The following CORO2B variants were observed in gnomAD, a reference collection of about 807,000 sequenced individuals.
CORO2B encodes coronin 2B.
A neutral mutation model predicts 58.8 loss-of-function variants in CORO2B; 26 were observed. The ratio of observed to expected loss-of-function variants is 0.44; its 90% CI spans 0.32 to 0.61. CORO2B has a LOEUF of 0.61. Ranked by LOEUF, CORO2B falls within the 20% of genes least tolerant of loss-of-function variation. The pLI is 0.04. For missense variants in CORO2B, 460 were observed against 645.1 expected, an observed-to-expected ratio of 0.71 and a Z score of 3.11; for synonymous variants, 242 against 253.8, an observed-to-expected ratio of 0.95 and a Z score of 0.44.
chr15:68,611,982 A>T (rs1221162750), intron 1 of CORO2B, among the ~76,000 whole-genome samples: 1 of 152,044 alleles, frequency 6.6e-6, no homozygotes, highest in Non-Finnish European at 1.5e-5. Context: ...TGTTGCCCAG[A>T]CTGGTCTCAA....
chr15:68,672,358 C>A (rs1024949896), intron 2 of CORO2B, among the ~76,000 whole-genome samples: 1 of 152,080 alleles, frequency 6.6e-6, no homozygotes, highest in African/African-American at 2.4e-5. Context: ...ACCTCAGCCT[C>A]CCAAAGTGCT....
rs1566999566 is a variant in CORO2B at position 68,662,018 on chromosome 15, A to AATT, written c.216+16659_216+16660insTTA. On this transcript the variant is annotated intron_variant, in intron 2 of 11. Coordinates refer to ENST00000261861, the MANE Select transcript of CORO2B (RefSeq NM_006091.5). ...TAAGACCCTGTCTCAATAAATAAAT[A>AATT]AATAAATAAATTAATTAATTAATAA... Among the ~76,000 whole-genome samples the AATT allele has an allele frequency of 1.9e-3, 289 of 151,346 alleles. 2 individuals carry two copies. Among genetic ancestry groups the AATT allele is most frequent in the African/African-American group, 6.7e-3 (275 of 40,766 alleles).
chr15:68,614,909 C>A (rs981218656), intron 1 of CORO2B, among the ~76,000 whole-genome samples: 2 of 152,240 alleles, frequency 1.3e-5, no homozygotes, highest in Non-Finnish European at 1.5e-5. Flanking sequence ...GCAGCAGCAG[C>A]TGGGACAAAG....
chr15:68,547,593 C>T, the CORO2B span, among the ~76,000 whole-genome samples: 4 of 152,032 alleles, frequency 2.6e-5, no homozygotes, highest in Admixed American at 6.5e-5. Flanking sequence ...CCACCTGCCT[C>T]GGTCTCCCAA....
chr15:68,607,015 T>C (rs1433606083), intron 1 of CORO2B, among the ~76,000 whole-genome samples: 1 of 152,126 alleles, frequency 6.6e-6, no homozygotes. Context: ...TCTCCAAACA[T>C]CTTGAGTCTC....
chr15:68,577,876 C>T (rs754127891), upstream of CORO2B, among the ~76,000 whole-genome samples: 1 of 152,186 alleles, frequency 6.6e-6, no homozygotes, highest in Non-Finnish European at 1.5e-5. Flanking sequence ...TTCCACAGAG[C>T]AGGTGCTCAT....
intron 1 of CORO2B, among the ~76,000 whole-genome samples, chr15:68,612,628 A>C (rs972192696): frequency 2.6e-5 from 4 of 152,184 alleles, no homozygotes; most frequent in Non-Finnish European, 4.4e-5. Context: ...AGAGCACTGA[A>C]CTGGATGGGG....
At chr15:68,520,031 T>C in the CORO2B span, among the ~76,000 whole-genome samples, 2 of 152,256 alleles carry the variant, frequency 1.3e-5, no homozygotes, top group African/African-American at 2.4e-5. Context: ...TTTAAATCTA[T>C]GTATTATATG....
At chr15:68,711,761 A>G (rs1892924766) in intron 5 of CORO2B, 55 bp downstream of exon 5, 1 of 1,599,174 alleles carries the variant, frequency 6.3e-7, no homozygotes, top group Admixed American at 1.7e-5. Context: ...GCTGGGGCTC[A>G]GCTTTCAGCA....
chr15:68,570,762 GA>G, the CORO2B span, among the ~76,000 whole-genome samples: 1 of 144,230 alleles, frequency 6.9e-6, no homozygotes, highest in African/African-American at 2.6e-5. Flanking sequence ...TGGTGCAGCA[GA>G]AAGAGCCGAG....
rs144706572 is a variant in CORO2B at position 68,667,749 on chromosome 15, G to A, written c.216+22389G>A. Among the ~76,000 whole-genome samples, 86 of 152,292 alleles carry A rather than the reference G, an allele frequency of 5.6e-4. No individual in the cohort carries two copies. In the East Asian group the frequency reaches 8.1e-3, roughly 14 times the overall value. The stretch of plus-strand genomic sequence containing the variant: ...CTGAAGATGGGCGGGGGGATGTGGA[G>A]GAATGCTGAAAGAGCTAGTTCTATG... On this transcript the variant is annotated intron_variant, in intron 2 of 11. Coordinates refer to ENST00000261861, the MANE Select transcript of CORO2B (RefSeq NM_006091.5).
rs1477800303 is a variant in CORO2B at position 68,710,554 on chromosome 15, C to T, written c.334-178C>T. On this transcript the variant is annotated intron_variant, in intron 3 of 11. Transcript: ENST00000261861. The surrounding 1 kb of genome is among the most constrained non-coding windows in gnomAD (Gnocchi z 4.1). The stretch of plus-strand genomic sequence containing the variant: ...GGCAGAGAGATGGTCTCCTTCCTCT[C>T]CAGCCACACCCTGAGACCTCCCAGC... Among the ~76,000 whole-genome samples the T allele has an allele frequency of 1.3e-5, 2 of 152,222 alleles. No homozygotes were observed. Among genetic ancestry groups the T allele is most frequent in the Admixed American group, 6.5e-5 (1 of 15,280 alleles).
At chr15:68,602,642 C>T (rs1056211414) in intron 1 of CORO2B, among the ~76,000 whole-genome samples, 50 of 152,290 alleles carry the variant, frequency 3.3e-4, no homozygotes, top group African/African-American at 1.2e-3. Flanking sequence ...CCCCATAGCT[C>T]TGCCTGCTCT....
intron 1 of CORO2B, among the ~76,000 whole-genome samples, chr15:68,593,150 G>A (rs1899745964): frequency 6.6e-6 from 1 of 152,094 alleles, no homozygotes. Context: ...AATTTGTGAG[G>A]GCAGAGCTCT....
rs1451250694 is a variant in CORO2B at position 68,662,016 on chromosome 15, A to AT, written c.216+16657dup. On this transcript the variant is annotated intron_variant, in intron 2 of 11. Transcript: ENST00000261861. The stretch of plus-strand genomic sequence containing the variant: ...AGTAAGACCCTGTCTCAATAAATAA[A>AT]TAAATAAATAAATTAATTAATTAAT... Among the ~76,000 whole-genome samples the AT allele has an allele frequency of 1.9e-3, 289 of 151,514 alleles. 2 individuals carry two copies. Among genetic ancestry groups the AT allele is most frequent in the African/African-American group, 6.7e-3 (275 of 40,906 alleles).
intron 1 of CORO2B, chr15:68,641,410 C>T (rs539975951): frequency 5.1e-5 from 24 of 466,144 alleles, no homozygotes; most frequent in Non-Finnish European, 6.5e-5. Context: ...TGTGTCTACA[C>T]CCTGAGGACT....
the CORO2B span, among the ~76,000 whole-genome samples, chr15:68,527,234 T>A: frequency 3.3e-5 from 5 of 152,178 alleles, no homozygotes; most frequent in Admixed American, 2.6e-4. Flanking sequence ...TCTTTTGTGG[T>A]TTTTTAATTT....
intron 3 of CORO2B, among the ~76,000 whole-genome samples, chr15:68,705,998 G>A (rs1476829105): frequency 6.6e-6 from 1 of 152,178 alleles, no homozygotes; most frequent in Non-Finnish European, 1.5e-5. Flanking sequence ...TGGCATAGGT[G>A]TAACCCAGAG....
chr15:68,559,487 A>G, the CORO2B span: 1 of 539,642 alleles, frequency 1.9e-6, no homozygotes, highest in Non-Finnish European at 2.4e-6. This position sits in a 1 kb window ranked among gnomAD's most constrained non-coding sequence, Gnocchi z 4.3. Flanking sequence ...GAGTCTGGGA[A>G]CGGAGAAGGG....
Sources: gnomAD v4.1 joint callset for allele counts (sites outside exome capture counted in the v4.1 genomes callset) on GRCh38, gnomAD v4.1.1 for gene constraint, Gnocchi (gnomAD v3.1) non-coding constraint, MANE v1.5 for transcripts, NCBI Gene and HGNC (gene_info 2026-07-23, HGNC 2026-07-21) for gene names.